Variants in ZNF559 observed in about 807,000 individuals in gnomAD.
The protein encoded by ZNF559 is zinc finger protein 559, also known as putative protein product of Nbla00121.
A neutral mutation model predicts 14.2 loss-of-function variants in ZNF559; 17 were observed. That is an observed-to-expected ratio of 1.20 (90% CI 0.82 to 1.80). ZNF559 has a LOEUF of 1.80. Among genes scored for constraint, ZNF559 ranks in the 40% most tolerant of loss-of-function variants. The pLI is 0.00. For missense variants in ZNF559, 740 were observed against 629.7 expected (o/e 1.18, Z -1.88); for synonymous variants, 244 against 212.4 (o/e 1.15, Z -1.29).
At chr19:9,336,496 C>G (rs997377093) in intron 2 of ZNF559, among the ~76,000 whole-genome samples, 5 of 151,686 alleles carry the variant, frequency 3.3e-5, no homozygotes, top group African/African-American at 1.2e-4. Flanking sequence ...GAGGCTGAGG[C>G]AGGAGAATGG....
At chr19:9,326,471 C>A (rs758946471) in intron 2 of ZNF559, among the ~76,000 whole-genome samples, 1 of 152,154 alleles carries the variant, frequency 6.6e-6, no homozygotes, top group Non-Finnish European at 1.5e-5. Flanking sequence ...TGCTGCCGTT[C>A]TCATGCAATG....
chr19:9,339,859 C>T (rs1303881242), intron 5 of ZNF559, among the ~76,000 whole-genome samples: 1 of 150,738 alleles, frequency 6.6e-6, no homozygotes, highest in African/African-American at 2.4e-5. Flanking sequence ...AGCTCCGCCT[C>T]CCGGGTTCAC....
At chr19:9,325,015 A>AT (rs2066500992) in intron 2 of ZNF559, among the ~76,000 whole-genome samples, 1 of 152,214 alleles carries the variant, frequency 6.6e-6, no homozygotes, top group African/African-American at 2.4e-5. Context: ...CGCCCTGTAG[A>AT]TTCCCCCAGA....
rs772867576 is a variant in ZNF559, at chr19:9,343,917, C to G, written c.*849C>G. On this transcript the variant is annotated 3_prime_UTR_variant, in exon 7 of 7. Transcript: ENST00000603380. ...ATTATTGAGGAGTTCCACTCTTTCC[C>G]CCATTTGTCACTACTACACTTCCCT... is the stretch of plus-strand genomic sequence containing the variant. 2 of 670,388 alleles carry G rather than the reference C, an allele frequency of 3.0e-6. No homozygotes were observed. The highest frequency in any genetic ancestry group is 3.7e-6 in the Non-Finnish European group (2 of 542,840). The allele number at this position is 670,388 out of a possible 1,614,324, so 41.5% of individuals were successfully genotyped here.
chr19:9,343,962 G>C lies in ZNF559; in HGVS notation c.*894G>C. The C allele has an allele frequency of 3.1e-6, 1 of 326,124 alleles. No homozygotes were observed. The highest frequency in any genetic ancestry group is 4.4e-6 in the Non-Finnish European group (1 of 227,630). The allele number at this position is 326,124 out of a possible 1,614,324, so 20.2% of individuals were successfully genotyped here. On this transcript the variant is annotated 3_prime_UTR_variant, in exon 7 of 7. Coordinates refer to ENST00000603380, the MANE Select transcript of ZNF559 (RefSeq NM_032497.3). ...TTCCCTAGTCTTTAAAACAATTTTA[G>C]GCTGGGTGCAGTGGCTCATTCCTGT...
chr19:9,324,083 G>A (rs1418872209), upstream of ZNF559: 3 of 1,445,764 alleles, frequency 2.1e-6, no homozygotes, highest in African/African-American at 1.4e-5. Flanking sequence ...CTCTGGGTTG[G>A]AAAAAGCCGC....
chr19:9,331,421 A>G (rs920574774), intron 2 of ZNF559, among the ~76,000 whole-genome samples: 1 of 152,152 alleles, frequency 6.6e-6, no homozygotes, highest in Non-Finnish European at 1.5e-5. Context: ...TTTAATTTTA[A>G]GGGGCACAGA....
At chr19:9,338,006 T>C in intron 3 of ZNF559, 148 bp downstream of exon 3, 1 of 1,536,112 alleles carries the variant, frequency 6.5e-7, no homozygotes, top group Non-Finnish European at 8.7e-7. Context: ...GCCATTGGTC[T>C]TTCCCTTTGT....
intron 2 of ZNF559, among the ~76,000 whole-genome samples, chr19:9,328,118 C>T (rs1408648650): frequency 6.6e-6 from 1 of 151,892 alleles, no homozygotes; most frequent in Non-Finnish European, 1.5e-5. Context: ...ATGTTTGTAT[C>T]TCTTATCTCT....
At chr19:9,335,040 G>T (rs2067153118) in intron 2 of ZNF559, among the ~76,000 whole-genome samples, 1 of 151,838 alleles carries the variant, frequency 6.6e-6, no homozygotes, top group Non-Finnish European at 1.5e-5. Context: ...GGAGGCTGAG[G>T]CAAGAGAATG....
At chr19:9,337,536 G>A (rs1167639845) in intron 2 of ZNF559, among the ~76,000 whole-genome samples, 1 of 152,182 alleles carries the variant, frequency 6.6e-6, no homozygotes, top group Non-Finnish European at 1.5e-5. Context: ...AACCTCAGGA[G>A]TTTAGGTTTG....
At chr19:9,327,713 A>G (rs1388334954) in intron 2 of ZNF559, among the ~76,000 whole-genome samples, 3 of 151,122 alleles carry the variant, frequency 2.0e-5, no homozygotes, top group Non-Finnish European at 2.9e-5. Flanking sequence ...TGCCCTCTAT[A>G]CTTTTTTTCT....
Position 9,324,207 on chromosome 19 carries a change from C to G in ZNF559, c.-227C>G, listed in dbSNP as rs1181062365. On this transcript the variant is annotated 5_prime_UTR_variant, in exon 1 of 7. Coordinates refer to ENST00000603380, the MANE Select transcript of ZNF559 (RefSeq NM_032497.3). ...CGCATAACGGCCGCCATCTTAACAGCGCGTTCCCGTTGGCGTCTGAGGTAA... is the reference window on the plus strand; with the variant it reads ...CGCATAACGGCCGCCATCTTAACAGGGCGTTCCCGTTGGCGTCTGAGGTAA... 2 of 1,535,974 alleles carry G rather than the reference C, an allele frequency of 1.3e-6. No homozygotes were observed. The highest frequency in any genetic ancestry group is 1.7e-4 in the Middle Eastern group (1 of 6,012).
At position 9,342,515 on chromosome 19, in the gene ZNF559, G is replaced by A. The variant is rs140675340; in HGVS notation, c.1064G>A (p.Cys355Tyr). The A allele has an allele frequency of 7.0e-4, 1,131 of 1,614,160 alleles. 8 individuals carry two copies. The highest frequency in any genetic ancestry group is 9.5e-4 in the Admixed American group (57 of 60,014). Residue 355 changes from cysteine to tyrosine, a missense_variant, in exon 7 of 7, where the codon TGT becomes TAT. By Grantham distance (194) the Cys-to-Tyr change is radical. Transcript: ENST00000603380. ...RTHTGEKPYE[C>Y]KECGKAFANS... ...CACACTGGAGAAAAGCCTTATGAAT[G>A]TAAGGAATGTGGGAAAGCTTTTGCT...
At chr19:9,340,967 C>T in intron 5 of ZNF559, 135 bp from the exon 6 acceptor site, 1 of 702,666 alleles carries the variant, frequency 1.4e-6, no homozygotes, top group Non-Finnish European at 2.4e-6. Context: ...ATTTATGTTT[C>T]CCGTTCTTTA....
Position 9,342,118 on chromosome 19 carries a change from T to C in ZNF559, c.667T>C (p.Ser223Pro). ...YTHKEYVETF[S>P]HSTALFVHMQ... ...TCATAAGGAGTATGTCGAAACCTTTTCTCATTCTACAGCCCTTTTTGTACA... is the reference window on the plus strand; with the variant it reads ...TCATAAGGAGTATGTCGAAACCTTTCCTCATTCTACAGCCCTTTTTGTACA... The change falls in exon 7 of 7, where the codon TCT (serine) becomes CCT (proline). Residue 223 changes from serine to proline, a missense_variant. Coordinates refer to ENST00000603380, the MANE Select transcript of ZNF559 (RefSeq NM_032497.3). 1 of 1,613,544 alleles carries C rather than the reference T, an allele frequency of 6.2e-7. No individual in the cohort carries two copies.
chr19:9,326,267 G>A (rs1055064958), intron 2 of ZNF559, among the ~76,000 whole-genome samples: 3 of 151,902 alleles, frequency 2.0e-5, no homozygotes, highest in Non-Finnish European at 4.4e-5. Flanking sequence ...GTGCCACCAC[G>A]CCCGGCTAAT....
At chr19:9,336,348 T>A (rs760916777) in intron 2 of ZNF559, among the ~76,000 whole-genome samples, 3 of 152,070 alleles carry the variant, frequency 2.0e-5, no homozygotes, top group African/African-American at 4.8e-5. Flanking sequence ...TCCTAGCACT[T>A]TGGGAGGCTG....
chr19:9,324,101 G>A, upstream of ZNF559: 2 of 1,501,120 alleles, frequency 1.3e-6, no homozygotes, highest in Admixed American at 2.0e-5. Context: ...CGCAGCAGCT[G>A]ATGGGCCCGG....
Sources: allele counts gnomAD v4.1 joint callset (sites outside exome capture counted in the v4.1 genomes callset), GRCh38; gene constraint gnomAD v4.1.1; transcripts MANE v1.5; gene names NCBI Gene and HGNC (gene_info 2026-07-23, HGNC 2026-07-21).